Variants in SFI1 observed in about 807,000 individuals in gnomAD.
SFI1 encodes SFI1 centrin binding protein, also known as protein SFI1 homolog.
Under a neutral mutation model 207.5 loss-of-function variants are expected in SFI1, and 195 were observed. The ratio of observed to expected loss-of-function variants is 0.94; its 90% CI spans 0.84 to 1.06. The LOEUF (loss-of-function observed/expected upper bound fraction) is 1.06, where lower values mean the gene tolerates loss of function less well. Ranked by LOEUF, SFI1 falls within the 50% of genes least tolerant of loss-of-function variation. The pLI is 0.00. For missense variants in SFI1, 1,634 were observed against 1,588.0 expected (o/e 1.03, Z -0.49); for synonymous variants, 630 against 598.9 (o/e 1.05, Z -0.76).
At chr22:31,526,069 C>A (rs1297488491) in intron 2 of SFI1, among the ~76,000 whole-genome samples, 1 of 152,092 alleles carries the variant, frequency 6.6e-6, no homozygotes, top group Non-Finnish European at 1.5e-5. Context: ...CCTTTTTCTG[C>A]AAATTGGTAA....
At chr22:31,607,005 A>AGT (rs1428794827) in intron 21 of SFI1, among the ~76,000 whole-genome samples, 2 of 151,890 alleles carry the variant, frequency 1.3e-5, no homozygotes, top group African/African-American at 2.4e-5. Flanking sequence ...TGGAGGTTGC[A>AGT]GTGAGCCGAA....
intron 29 of SFI1, chr22:31,615,568 C>G (rs1006316468): frequency 3.2e-5 from 11 of 346,178 alleles, no homozygotes; most frequent in African/African-American, 2.3e-4. Flanking sequence ...TAGGGTCCTG[C>G]AGGCCACAGT....
intron 8 of SFI1, among the ~76,000 whole-genome samples, chr22:31,567,049 G>T (rs989128341): frequency 1.3e-5 from 2 of 152,140 alleles, no homozygotes; most frequent in South Asian, 2.1e-4. Flanking sequence ...GGGACTATAG[G>T]CACCTGCCAC....
At chr22:31,614,523 C>T (rs763672934) in intron 27 of SFI1, 9 of 654,898 alleles carry the variant, frequency 1.4e-5, no homozygotes, top group African/African-American at 5.3e-5. Flanking sequence ...TGACATGGAC[C>T]CTGGCGACCT....
At chr22:31,575,088 GT>G in intron 9 of SFI1, 142 bp from the exon 10 acceptor site, 17 of 8,874 alleles carry the variant, frequency 1.9e-3, no homozygotes, top group East Asian at 7.0e-3. Context: ...CTTAGTGCGT[GT>G]GTGTGTGTGT....
At chr22:31,615,369 T>C (rs2071242872) in intron 29 of SFI1, 90 bp downstream of exon 29, 2 of 1,227,930 alleles carry the variant, frequency 1.6e-6, no homozygotes, top group Non-Finnish European at 2.1e-6. Flanking sequence ...TACTAGTTTC[T>C]GGAAAACCTT....
chr22:31,517,685 G>T (rs2056716458), intron 2 of SFI1, among the ~76,000 whole-genome samples: 1 of 151,470 alleles, frequency 6.6e-6, no homozygotes, highest in Non-Finnish European at 1.5e-5. Flanking sequence ...GTATGTAATT[G>T]TCCTAGCACA....
At chr22:31,555,050 A>G (rs1476811895) in intron 6 of SFI1, among the ~76,000 whole-genome samples, 2 of 152,022 alleles carry the variant, frequency 1.3e-5, no homozygotes, top group East Asian at 3.9e-4. Context: ...CAGTTCCTTT[A>G]TTTTTGTTAA....
At chr22:31,576,397 C>T (rs1008071918) in intron 10 of SFI1, among the ~76,000 whole-genome samples, 7 of 151,930 alleles carry the variant, frequency 4.6e-5, no homozygotes, top group East Asian at 1.9e-4. Context: ...CTCAGCTTAC[C>T]GCAACCTCTG....
chr22:31,606,535 A>G (rs557298905), intron 21 of SFI1, 105 bp downstream of exon 21: 22 of 830,084 alleles, frequency 2.7e-5, no homozygotes, highest in Non-Finnish European at 3.3e-5. Flanking sequence ...CTGAATAAGG[A>G]ACCTAGAAAA....
rs1569376507 is a variant in SFI1, at chr22:31,582,206, T to TATATATATA, written c.1249-1669_1249-1668insATATATATA. On this transcript the variant is annotated intron_variant, in intron 12 of 32. Coordinates refer to ENST00000400288, the MANE Select transcript of SFI1 (RefSeq NM_001007467.3). The stretch of plus-strand genomic sequence containing the variant: ...CCCAACAACACTTCTTTATTACATT[T>TATATATATA]TATATATATATATATATATATATAT... Among the ~76,000 whole-genome samples the TATATATATA allele has an allele frequency of 4.6e-3, 170 of 36,572 alleles. 15 individuals carry two copies. Among genetic ancestry groups the TATATATATA allele is most frequent in the East Asian group, 0.02 (15 of 760 alleles). 24.0% of individuals were successfully genotyped at this position (36,572 alleles called of 152,430 possible). A position where few individuals can be genotyped will look rare whatever the true frequency, so the allele number is the denominator to read the frequency against.
At chr22:31,559,643 T>G in intron 7 of SFI1, 1 of 721,442 alleles carries the variant, frequency 1.4e-6, no homozygotes. Flanking sequence ...CCTCACCAAG[T>G]GGGCAGGAGA....
At chr22:31,526,921 T>C (rs1049070629) in intron 2 of SFI1, among the ~76,000 whole-genome samples, 1 of 151,264 alleles carries the variant, frequency 6.6e-6, no homozygotes, top group African/African-American at 2.4e-5. Context: ...TCCTGTCCTG[T>C]CTTGTCCTGT....
chr22:31,540,191 G>C (rs149849166), intron 4 of SFI1, among the ~76,000 whole-genome samples: 5 of 146,158 alleles, frequency 3.4e-5, no homozygotes, highest in African/African-American at 5.1e-5. Flanking sequence ...GGCACGGGGT[G>C]GGGGGGTGGG....
At chr22:31,591,593 G>T (rs1413335409) in intron 15 of SFI1, among the ~76,000 whole-genome samples, 2 of 131,386 alleles carry the variant, frequency 1.5e-5, no homozygotes, top group African/African-American at 3.1e-5. Flanking sequence ...GGCCGGGCAG[G>T]GGGGCTGACC....
intron 8 of SFI1, among the ~76,000 whole-genome samples, chr22:31,565,122 C>T (rs62237770): frequency 0.046 from 6,944 of 151,970 alleles, 139 homozygotes; most frequent in African/African-American, 0.054. Context: ...CGTGCCCGGC[C>T]CAGAATTTTT....
chr22:31,605,073 A>C, intron 20 of SFI1, 128 bp downstream of exon 20: 24 of 770,508 alleles, frequency 3.1e-5, no homozygotes, highest in East Asian at 1.2e-4. Context: ...CGCTAATATC[A>C]TGGTCTTGGC....
intron 8 of SFI1, among the ~76,000 whole-genome samples, chr22:31,562,983 T>TTATATATATATATA (rs56072629): frequency 2.0e-4 from 29 of 142,392 alleles, no homozygotes; most frequent in African/African-American, 4.4e-4. Flanking sequence ...TCATCATCTT[T>TTATATATATATATA]TATATATATA....
intron 2 of SFI1, among the ~76,000 whole-genome samples, chr22:31,522,630 G>C (rs1374029045): frequency 6.6e-6 from 1 of 152,094 alleles, no homozygotes; most frequent in African/African-American, 2.4e-5. Context: ...TTAGCATAGT[G>C]TTTTCAAGGT....
Sources: allele counts gnomAD v4.1 joint callset (sites outside exome capture counted in the v4.1 genomes callset), GRCh38; gene constraint gnomAD v4.1.1; transcripts MANE v1.5; gene names NCBI Gene and HGNC (gene_info 2026-07-23, HGNC 2026-07-21).